Variants in FNIP2 observed in about 807,000 individuals in gnomAD.
FNIP2 encodes folliculin-interacting protein 2.
A neutral mutation model predicts 108.7 loss-of-function variants in FNIP2; 32 were observed. The ratio of observed to expected loss-of-function variants is 0.29; its 90% confidence interval spans 0.22 to 0.40. FNIP2 has a LOEUF of 0.40. FNIP2 is among the 10% of genes least tolerant of loss of function. FNIP2 has a pLI of 1.00. For missense variants in FNIP2, 1,202 were observed against 1,381.6 expected, an observed-to-expected ratio of 0.87 and a Z score of 2.06; for synonymous variants, 480 against 496.7, an observed-to-expected ratio of 0.97 and a Z score of 0.45.
At position 158,875,537 on chromosome 4, in the gene FNIP2, T is replaced by TATATATGC. The variant is rs1781228984; in HGVS notation, c.2949+5072_2949+5073insATGCATAT. ...TGTGATATATATATATATATATATA[T>TATATATGC]ATATGCTCATGAATACCTAATTAGT... On this transcript the variant is annotated intron_variant, in intron 14 of 16. Coordinates refer to ENST00000264433, the MANE Select transcript of FNIP2 (RefSeq NM_020840.3). Among the ~76,000 whole-genome samples, 4 of 112,726 alleles carry TATATATGC rather than the reference T, an allele frequency of 3.5e-5. No homozygotes were observed. The South Asian group carries it at 1.0e-3, about 30-fold the overall frequency. 74.0% of individuals were successfully genotyped at this position (112,726 alleles called of 152,430 possible).
At chr4:158,869,553 A>T in intron 13 of FNIP2, 125 bp downstream of exon 13, 1 of 1,274,678 alleles carries the variant, frequency 7.8e-7, no homozygotes. Flanking sequence ...TTTTCCACAA[A>T]GTACTAGAAG....
At position 158,904,510 on chromosome 4, in the gene FNIP2, C is replaced by T. The variant is rs1208324435; in HGVS notation, c.3311C>T (p.Thr1104Ile). 6.2e-7 allele frequency: 1 copy of T among 1,613,322 alleles called. No individual in the cohort carries two copies. The highest frequency in any genetic ancestry group is 8.5e-7 in the Non-Finnish European group (1 of 1,179,826). The part of the protein sequence containing the change: ...DLPLLTAIAS[T>I]HSPYVAQILL ...CCTCTGTTGACTGCTATTGCCAGTA[C>T]TCATTCTCCTTATGTGGCTCAAATA... Residue 1104 changes from threonine to isoleucine, a missense_variant, in exon 17 of 17, where the codon ACT becomes ATT. Physicochemically the swap from Thr to Ile is moderately conservative, Grantham distance 89. Coordinates refer to ENST00000264433, the MANE Select transcript of FNIP2 (RefSeq NM_020840.3).
In FNIP2 at chr4:158,774,097, T is replaced by C. The variant is rs897234816; in HGVS notation, c.107+4778T>C. Reference sequence around the variant, plus strand: ...ACTTCACCACTGTGCAATCTATGCATGTAACAAAATTACACTTATACCCCA... The same window carrying C: ...ACTTCACCACTGTGCAATCTATGCACGTAACAAAATTACACTTATACCCCA... On this transcript the variant is annotated intron_variant, in intron 1 of 16. Transcript: ENST00000264433. Among the ~76,000 whole-genome samples the C allele has an allele frequency of 8.5e-5, 13 of 152,192 alleles. 1 individual carries two copies. In the South Asian group the frequency reaches 2.7e-3, roughly 32 times the overall value.
intron 1 of FNIP2, among the ~76,000 whole-genome samples, chr4:158,786,668 T>A (rs532478018): frequency 2.0e-4 from 30 of 152,136 alleles, no homozygotes; most frequent in Middle Eastern, 6.8e-3. Context: ...TTTTTATTTT[T>A]AAAAAAAACA....
Position 158,891,830 on chromosome 4 carries a change from G to A in FNIP2, c.3150+184G>A, listed in dbSNP as rs2306205. ...AGATTTCAGTAGTAATAGCTCTTCC[G>A]TGAAACAAATAACAAGGAGCGGCAC... is the stretch of plus-strand genomic sequence containing the variant. On this transcript the variant is annotated intron_variant, in intron 15 of 16. Coordinates refer to ENST00000264433, the MANE Select transcript of FNIP2 (RefSeq NM_020840.3). Among the ~76,000 whole-genome samples the A allele has an allele frequency of 2.0e-3, 302 of 152,270 alleles. 1 individual carries two copies. Among genetic ancestry groups the A allele is most frequent in the East Asian group, 0.011 (58 of 5,182 alleles).
At chr4:158,852,796 TG>T (rs1427508760) in intron 8 of FNIP2, among the ~76,000 whole-genome samples, 2 of 152,240 alleles carry the variant, frequency 1.3e-5, no homozygotes, top group African/African-American at 4.8e-5. Context: ...AGATAGGTCT[TG>T]GAAACCATCC....
At chr4:158,902,010 C>T (rs1729337928) in intron 16 of FNIP2, among the ~76,000 whole-genome samples, 1 of 152,044 alleles carries the variant, frequency 6.6e-6, no homozygotes, top group Non-Finnish European at 1.5e-5. Context: ...ACTCAATTCT[C>T]CATCCAGTTT....
chr4:158,873,185 T>C (rs1168526064), intron 14 of FNIP2, among the ~76,000 whole-genome samples: 1 of 152,028 alleles, frequency 6.6e-6, no homozygotes, highest in Non-Finnish European at 1.5e-5. Flanking sequence ...TTTTTGAACA[T>C]TAATTTCAGT....
chr4:158,831,597 C>G (rs1209232248), intron 3 of FNIP2, among the ~76,000 whole-genome samples: 1 of 151,894 alleles, frequency 6.6e-6, no homozygotes, highest in Non-Finnish European at 1.5e-5. Context: ...TTTCTCATAA[C>G]ACAAATAAAA....
Position 158,868,106 on chromosome 4 carries a change from T to C in FNIP2, c.1470T>C (p.Asp490=), listed in dbSNP as rs778371841. The C allele has an allele frequency of 6.8e-6, 11 of 1,613,240 alleles. No individual in the cohort carries two copies. In the African/African-American group the frequency reaches 1.3e-4, roughly 20 times the overall value. The change falls in exon 13 of 17, where the codon GAT becomes GAC. Residue 490 remains aspartate (D), a synonymous_variant. Coordinates refer to ENST00000264433, the MANE Select transcript of FNIP2 (RefSeq NM_020840.3). This position sits in a 1 kb window ranked among gnomAD's most constrained non-coding sequence, Gnocchi z 4.6. ...GTGTCCACCTTTGCTCTCTAGGTGA[T>C]CTTTACGGAGCCATAGGCTCTCCAG... The part of the protein sequence containing the change: ...PYNPLWAQLG[D]LYGAIGSPVR...
chr4:158,825,918 G>C lies in FNIP2; in HGVS notation c.110G>C (p.Trp37Ser), dbSNP rs754761576. 2 of 1,605,346 alleles carry C rather than the reference G, an allele frequency of 1.2e-6. No homozygotes were observed. Among genetic ancestry groups the C allele is most frequent in the East Asian group, 2.2e-5 (1 of 44,684 alleles). Residue 37 changes from tryptophan (W) to serine (S), a missense_variant and splice_region_variant, in exon 2 of 17, where the codon TGG (tryptophan) becomes TCG (serine). By Grantham distance (177) the Trp-to-Ser change is radical. Coordinates refer to ENST00000264433, the MANE Select transcript of FNIP2 (RefSeq NM_020840.3). ...CTTTTGCCCTTTTTAATCCACAGTT[G>C]GTCATGTTCGGAGTTTGACCTGAAT... ...RAPKEGPAFS[W>S]SCSEFDLNEI... is the part of the protein sequence containing the mutation.
chr4:158,889,791 A>G, intron 14 of FNIP2: 1 of 977,864 alleles, frequency 1.0e-6, no homozygotes, highest in African/African-American at 1.8e-5. Context: ...AAATATTTGA[A>G]GTGTTCAAAT....
At chr4:158,791,266 C>CTTTTTTT (rs199714823) in intron 1 of FNIP2, among the ~76,000 whole-genome samples, 12 of 98,050 alleles carry the variant, frequency 1.2e-4, no homozygotes, top group East Asian at 5.0e-4. Flanking sequence ...ACTGAGGATC[C>CTTTTTTT]TTTTTTTTTT....
chr4:158,883,360 G>A lies in FNIP2; in HGVS notation c.2950-8086G>A, dbSNP rs554667950. Reference sequence around the variant, plus strand: ...GGGTTCACGCCATTCTCCTGCCTCAGCCTCCCGAGTAGCTGGGACTACAGG... The same window carrying A: ...GGGTTCACGCCATTCTCCTGCCTCAACCTCCCGAGTAGCTGGGACTACAGG... On this transcript the variant is annotated intron_variant, in intron 14 of 16. Coordinates refer to ENST00000264433, the MANE Select transcript of FNIP2 (RefSeq NM_020840.3). Among the ~76,000 whole-genome samples, 87 of 152,144 alleles carry A rather than the reference G, an allele frequency of 5.7e-4. 1 individual carries two copies. Among genetic ancestry groups the A allele is most frequent in the African/African-American group, 2.0e-3 (81 of 41,514 alleles).
At chr4:158,822,420 C>T (rs938404882) in intron 1 of FNIP2, among the ~76,000 whole-genome samples, 21 of 152,082 alleles carry the variant, frequency 1.4e-4, no homozygotes, top group Admixed American at 9.8e-4. Context: ...AGCGATCAGC[C>T]GGCCTCGGTC....
chr4:158,831,037 G>T (rs549142668), intron 3 of FNIP2, among the ~76,000 whole-genome samples: 75 of 152,338 alleles, frequency 4.9e-4, no homozygotes, highest in African/African-American at 1.8e-3. Context: ...GCAGTTAGTA[G>T]GGTTGACCTC....
In FNIP2 at chr4:158,835,413, A is replaced by G; in HGVS notation, c.664A>G (p.Thr222Ala). ...CRTGSNLAHS[T>A]PVDMPSRGQN... is the part of the protein sequence containing the mutation. ...TTGTTCCTTTATCTTAGCACACAGC[A>G]CACCAGTTGATATGCCAAGCAGAGG... Residue 222 changes from threonine to alanine, a missense_variant, in exon 7 of 17, where the codon ACA (threonine) becomes GCA (alanine). Coordinates refer to ENST00000264433, the MANE Select transcript of FNIP2 (RefSeq NM_020840.3). 6.2e-7 allele frequency: 1 copy of G among 1,612,368 alleles called. No individual in the cohort carries two copies. The highest frequency in any genetic ancestry group is 8.5e-7 in the Non-Finnish European group (1 of 1,178,932).
intron 1 of FNIP2, among the ~76,000 whole-genome samples, chr4:158,805,729 A>G (rs1351758736): frequency 6.6e-6 from 1 of 152,198 alleles, no homozygotes; most frequent in Non-Finnish European, 1.5e-5. Flanking sequence ...TGGTGTGGCC[A>G]ATGTCAGAAC....
intron 1 of FNIP2, among the ~76,000 whole-genome samples, chr4:158,775,097 G>T (rs993211211): frequency 6.6e-6 from 1 of 152,186 alleles, no homozygotes; most frequent in African/African-American, 2.4e-5. Flanking sequence ...CCTTGGAAAA[G>T]GAAGCTGTAA....
Sources: allele counts gnomAD v4.1 joint callset (sites outside exome capture counted in the v4.1 genomes callset), GRCh38; gene constraint gnomAD v4.1.1; non-coding constraint Gnocchi (gnomAD v3.1); transcripts MANE v1.5; gene names NCBI Gene and HGNC (gene_info 2026-07-23, HGNC 2026-07-21).